Variants in ARL15 observed in about 807,000 individuals in gnomAD.
ARL15 encodes ADP-ribosylation factor-like protein 15.
In ARL15, 19 loss-of-function variants were observed where a neutral mutation model predicts 25.2. The observed-to-expected ratio is 0.75, with a 90% confidence interval of 0.53 to 1.10. ARL15 has a LOEUF of 1.10. ARL15 is among the 50% of genes least tolerant of loss of function. ARL15 has a pLI of 0.00. For missense variants in ARL15, 220 were observed against 246.0 expected (o/e 0.89, Z 0.71); for synonymous variants, 94 against 86.8 (o/e 1.08, Z -0.46).
intron 4 of ARL15, among the ~76,000 whole-genome samples, chr5:53,962,869 AT>A (rs199780361): frequency 6.6e-6 from 1 of 151,488 alleles, no homozygotes; most frequent in African/African-American, 2.4e-5. Flanking sequence ...TTTTATTTTT[AT>A]TTTTTTTTAA....
intron 1 of ARL15, among the ~76,000 whole-genome samples, chr5:54,178,363 T>G (rs1053428481): frequency 1.3e-5 from 2 of 152,168 alleles, no homozygotes; most frequent in Non-Finnish European, 2.9e-5. Context: ...CTTTGGGACT[T>G]CTCCACAGCC....
At chr5:54,301,419 G>A (rs1758614393) in intron 1 of ARL15, among the ~76,000 whole-genome samples, 1 of 152,108 alleles carries the variant, frequency 6.6e-6, no homozygotes, top group South Asian at 2.1e-4. Context: ...CTAACCTCGG[G>A]ATAGTGGTCA....
chr5:54,239,401 A>C lies in ARL15; in HGVS notation c.49-67473T>G, dbSNP rs964633097. On this transcript the variant is annotated intron_variant, in intron 1 of 4. Transcript: ENST00000504924. ...CAATTGTTAGTGTAGCTAAGATGAT[A>C]CACTTAAGACTTACACGAGTAAAGA... 1.3e-5 allele frequency among the ~76,000 whole-genome samples: 2 copies of C among 152,198 alleles called. 1 individual carries two copies. The highest frequency in any genetic ancestry group is 4.1e-4 in the South Asian group (2 of 4,824).
chr5:54,099,106 T>C (rs919482058), intron 4 of ARL15, among the ~76,000 whole-genome samples: 4 of 152,198 alleles, frequency 2.6e-5, no homozygotes, highest in Non-Finnish European at 1.5e-5. Flanking sequence ...GCTGCAAAGA[T>C]ATGCAGGTAG....
chr5:54,042,259 G>A lies in ARL15; in HGVS notation c.462+70943C>T, dbSNP rs1166392757. Among the ~76,000 whole-genome samples, 12 of 152,182 alleles carry A rather than the reference G, an allele frequency of 7.9e-5. No individual in the cohort carries two copies. The South Asian group carries it at 2.1e-3, about 26-fold the overall frequency. The stretch of plus-strand genomic sequence containing the variant: ...GCTGGGATTACAGGCGTGAGCCACC[G>A]CACCCAGCTCTTTCATTTTGTTGTT... On this transcript the variant is annotated intron_variant, in intron 4 of 4. Coordinates refer to ENST00000504924, the MANE Select transcript of ARL15 (RefSeq NM_019087.3).
chr5:54,005,268 T>TATAGGAC (rs3055376), intron 4 of ARL15, among the ~76,000 whole-genome samples: 41,692 of 151,752 alleles, frequency 0.27, 5,901 homozygotes, highest in East Asian at 0.45. Flanking sequence ...ACTCCAAACA[T>TATAGGAC]ACCTTCTGGT....
chr5:54,160,934 C>A (rs73754464), intron 2 of ARL15, among the ~76,000 whole-genome samples: 1 of 152,114 alleles, frequency 6.6e-6, no homozygotes, highest in African/African-American at 2.4e-5. Context: ...ATTTTCAAGA[C>A]ATTATAGAGA....
intron 4 of ARL15, among the ~76,000 whole-genome samples, chr5:54,006,051 CAAAAAAAAAAAAAA>C (rs56094450): frequency 5.7e-4 from 33 of 57,568 alleles, no homozygotes; most frequent in Admixed American, 2.4e-3. Context: ...ATTACATCTC[CAAAAAAAAAAAAAA>C]AAAAAAAAAA....
chr5:54,108,847 CACACTAGCACCCTCTTCCAGA>C (rs923791862), intron 4 of ARL15, among the ~76,000 whole-genome samples: 1 of 151,954 alleles, frequency 6.6e-6, no homozygotes, highest in South Asian at 2.1e-4. Context: ...ACCATAGAAA[CACACTAGCACCCTCTTCCAGA>C]AGATGTCTAA....
At chr5:53,893,291 C>T (rs1050988412) in intron 4 of ARL15, among the ~76,000 whole-genome samples, 19 of 151,840 alleles carry the variant, frequency 1.3e-4, no homozygotes, top group African/African-American at 4.6e-4. Context: ...TACAACAAAT[C>T]AGGACTTTTT....
At position 54,308,234 on chromosome 5, in the gene ARL15, A is replaced by G. The variant is rs556223237; in HGVS notation, c.48+2198T>C. On this transcript the variant is annotated intron_variant, in intron 1 of 4. Coordinates refer to ENST00000504924, the MANE Select transcript of ARL15 (RefSeq NM_019087.3). ...GTTTGTTTCCATCCAGTTTAATGCT[A>G]AAGAATTTTCTGAAATCTTTTCACA... 2.4e-4 allele frequency among the ~76,000 whole-genome samples: 36 copies of G among 152,296 alleles called. No individual in the cohort carries two copies. The South Asian group carries it at 6.6e-3, about 28-fold the overall frequency.
chr5:53,949,634 T>G (rs1414765856), intron 4 of ARL15, among the ~76,000 whole-genome samples: 1 of 152,198 alleles, frequency 6.6e-6, no homozygotes, highest in East Asian at 1.9e-4. Flanking sequence ...GTTTGTTTCA[T>G]AGTTCTAAGT....
intron 4 of ARL15, among the ~76,000 whole-genome samples, chr5:54,031,962 A>C (rs1027814160): frequency 6.6e-6 from 1 of 152,198 alleles, no homozygotes; most frequent in Middle Eastern, 3.2e-3. Flanking sequence ...TCATCATTCC[A>C]ATCACTGGTC....
chr5:53,886,951 C>T (rs1744546717), intron 4 of ARL15, among the ~76,000 whole-genome samples: 1 of 152,060 alleles, frequency 6.6e-6, no homozygotes, highest in Admixed American at 6.5e-5. Flanking sequence ...ACCATTCCAC[C>T]CATACATTTA....
At chr5:53,914,473 T>G (rs1312145002) in intron 4 of ARL15, among the ~76,000 whole-genome samples, 1 of 152,222 alleles carries the variant, frequency 6.6e-6, no homozygotes, top group Non-Finnish European at 1.5e-5. Flanking sequence ...GTCACTTCCC[T>G]TCTTTGTTTT....
At chr5:54,112,723 G>A (rs1328977734) in intron 4 of ARL15, among the ~76,000 whole-genome samples, 1 of 152,116 alleles carries the variant, frequency 6.6e-6, no homozygotes, top group African/African-American at 2.4e-5. Context: ...TTGATGGCAT[G>A]GAATTTGCAA....
At chr5:54,149,021 C>T (rs1344934049) in intron 3 of ARL15, among the ~76,000 whole-genome samples, 1 of 152,172 alleles carries the variant, frequency 6.6e-6, no homozygotes, top group Non-Finnish European at 1.5e-5. Flanking sequence ...GCTGTGACAT[C>T]ACTGCAGTGT....
At chr5:54,048,564 T>A (rs1018492000) in intron 4 of ARL15, among the ~76,000 whole-genome samples, 25 of 128,654 alleles carry the variant, frequency 1.9e-4, no homozygotes, top group African/African-American at 8.3e-4. Flanking sequence ...CCACCACACC[T>A]GGCTAATTTT....
At chr5:54,276,156 A>C (rs1243874605) in intron 1 of ARL15, among the ~76,000 whole-genome samples, 6 of 152,152 alleles carry the variant, frequency 3.9e-5, no homozygotes, top group Non-Finnish European at 7.3e-5. Flanking sequence ...TTCCACTCAA[A>C]TCATTAAAAT....
Sources: allele counts gnomAD v4.1 joint callset (sites outside exome capture counted in the v4.1 genomes callset), GRCh38; gene constraint gnomAD v4.1.1; transcripts MANE v1.5; gene names NCBI Gene and HGNC (gene_info 2026-07-23, HGNC 2026-07-21).